The following NCKAP5 variants were observed in gnomAD, a reference collection of about 807,000 sequenced individuals.
NCKAP5 encodes NCK associated protein 5, also known as nck-associated protein 5.
In NCKAP5, 92 loss-of-function variants were observed where a neutral mutation model predicts 167.0. That is an observed-to-expected ratio of 0.55 (90% CI 0.47 to 0.66). The LOEUF is 0.66. NCKAP5 is among the 30% of genes least tolerant of loss of function. The probability of loss-of-function intolerance (pLI) is 0.00; values close to 1 mark genes in which losing one functional copy is unlikely to be tolerated. For missense variants in NCKAP5, 2,378 were observed against 2,315.0 expected (o/e 1.03, Z -0.56); for synonymous variants, 891 against 877.4 (o/e 1.02, Z -0.27).
intron 19 of NCKAP5, among the ~76,000 whole-genome samples, chr2:132,716,077 G>A (rs973853001): frequency 1.5e-4 from 23 of 152,126 alleles, no homozygotes; most frequent in African/African-American, 5.3e-4. Flanking sequence ...TTCCCTCTCT[G>A]AGCTGTGACA....
intron 3 of NCKAP5, among the ~76,000 whole-genome samples, chr2:133,514,560 A>T (rs887512537): frequency 6.6e-6 from 1 of 152,260 alleles, no homozygotes; most frequent in African/African-American, 2.4e-5. Context: ...TAAAAAGTGT[A>T]ATGAAGTTAA....
At chr2:133,559,514 G>A (rs1330631736) in intron 1 of NCKAP5, among the ~76,000 whole-genome samples, 1 of 151,980 alleles carries the variant, frequency 6.6e-6, no homozygotes, top group African/African-American at 2.4e-5. Context: ...TTAGAGATGG[G>A]GTCTTGTTAT....
the NCKAP5 span, among the ~76,000 whole-genome samples, chr2:133,628,011 T>G: frequency 1.3e-5 from 2 of 152,114 alleles, no homozygotes; most frequent in East Asian, 3.9e-4. Context: ...ATAGAGCCAT[T>G]TATGACAAAC....
At chr2:133,542,610 A>G (rs994521580) in intron 2 of NCKAP5, among the ~76,000 whole-genome samples, 9 of 152,204 alleles carry the variant, frequency 5.9e-5, no homozygotes, top group African/African-American at 2.2e-4. Flanking sequence ...CCCTGCTCAC[A>G]TAACCAGCAG....
At chr2:133,360,939 TA>T (rs1261568490) in intron 3 of NCKAP5, among the ~76,000 whole-genome samples, 2,046 of 136,850 alleles carry the variant, frequency 0.015, 17 homozygotes, top group Middle Eastern at 0.033. Context: ...GTCTTCCCAT[TA>T]AAAAAAAAAA....
At chr2:133,210,973 G>A (rs1024440558) in intron 5 of NCKAP5, among the ~76,000 whole-genome samples, 6 of 151,842 alleles carry the variant, frequency 4.0e-5, no homozygotes, top group African/African-American at 1.2e-4. Context: ...CCTTGAGGGT[G>A]CACCCATTCC....
intron 5 of NCKAP5, among the ~76,000 whole-genome samples, chr2:133,210,800 T>G (rs1460573154): frequency 6.6e-6 from 1 of 152,122 alleles, no homozygotes; most frequent in South Asian, 2.1e-4. Flanking sequence ...TCAGGGCTCA[T>G]GGTGTCTCCA....
chr2:132,920,119 G>T (rs1367781371), intron 8 of NCKAP5, among the ~76,000 whole-genome samples: 2 of 148,508 alleles, frequency 1.3e-5, no homozygotes, highest in Non-Finnish European at 2.9e-5. Flanking sequence ...TCTCCCCCTT[G>T]CCATCTGGCC....
chr2:133,187,040 T>C (rs1396149500), intron 5 of NCKAP5, among the ~76,000 whole-genome samples: 1 of 152,052 alleles, frequency 6.6e-6, no homozygotes, highest in Non-Finnish European at 1.5e-5. Context: ...CCTACTGCCA[T>C]GTCAGATTGT....
chr2:133,250,978 T>C (rs1372744491), intron 4 of NCKAP5, among the ~76,000 whole-genome samples: 1 of 152,060 alleles, frequency 6.6e-6, no homozygotes, highest in Non-Finnish European at 1.5e-5. Flanking sequence ...AAAATATGCT[T>C]TCTTCTTAAA....
Position 132,790,101 on chromosome 2 carries a change from C to T in NCKAP5, c.1014G>A (p.Leu338=). Residue 338 remains leucine (L), a synonymous_variant, in exon 13 of 20, where the codon CTG becomes CTA. Coordinates refer to ENST00000409261, the MANE Select transcript of NCKAP5 (RefSeq NM_207363.3). The part of the protein sequence containing the change: ...PRNSYSSSSE[L]SLSSTCSEYS... ...ACTCGCTGCAGGTGCTTGAAAGAGACAGTTCACTGCTGCTACTGTAGCTGT... is the reference window on the plus strand; with the variant it reads ...ACTCGCTGCAGGTGCTTGAAAGAGATAGTTCACTGCTGCTACTGTAGCTGT... 6.2e-7 allele frequency: 1 copy of T among 1,613,480 alleles called. No individual in the cohort carries two copies. The highest frequency in any genetic ancestry group is 8.5e-7 in the Non-Finnish European group (1 of 1,179,684).
intron 3 of NCKAP5, among the ~76,000 whole-genome samples, chr2:133,318,309 A>G (rs935151570): frequency 6.6e-6 from 1 of 152,160 alleles, no homozygotes; most frequent in East Asian, 1.9e-4. Context: ...TTTTTCCAAT[A>G]AAGAGACTGT....
chr2:133,481,173 A>G (rs764405739), intron 3 of NCKAP5, among the ~76,000 whole-genome samples: 2 of 152,156 alleles, frequency 1.3e-5, no homozygotes, highest in African/African-American at 2.4e-5. Context: ...GTATTATTAA[A>G]CGGCTCTTGA....
At chr2:133,012,047 T>G (rs143751012) in intron 6 of NCKAP5, among the ~76,000 whole-genome samples, 4 of 152,270 alleles carry the variant, frequency 2.6e-5, no homozygotes, top group Non-Finnish European at 5.9e-5. Context: ...CTTTATCAGA[T>G]GGCAAGCAAG....
intron 4 of NCKAP5, among the ~76,000 whole-genome samples, chr2:133,282,936 C>T (rs554568565): frequency 1.3e-5 from 2 of 152,150 alleles, no homozygotes; most frequent in Admixed American, 1.3e-4. Context: ...TTAAAACAAT[C>T]CTTGACTGTT....
chr2:133,251,405 C>T (rs927198292), intron 4 of NCKAP5, among the ~76,000 whole-genome samples: 1 of 152,106 alleles, frequency 6.6e-6, no homozygotes, highest in Admixed American at 6.6e-5. Flanking sequence ...CCTAAAACTG[C>T]CATTGAGCTC....
chr2:133,227,917 T>C (rs1435212474), intron 4 of NCKAP5, among the ~76,000 whole-genome samples: 3 of 152,214 alleles, frequency 2.0e-5, no homozygotes, highest in Non-Finnish European at 2.9e-5. Flanking sequence ...ACCACCAAAC[T>C]CTAGGAGAAG....
chr2:133,531,445 T>A (rs1421505617), intron 2 of NCKAP5, among the ~76,000 whole-genome samples: 1 of 152,134 alleles, frequency 6.6e-6, no homozygotes, highest in Non-Finnish European at 1.5e-5. Context: ...TATTGATTAA[T>A]AAACTTTAAA....
At position 132,673,163 on chromosome 2, in the gene NCKAP5, T is replaced by C. The variant is rs1573784766; in HGVS notation, c.*126A>G. On this transcript the variant is annotated 3_prime_UTR_variant, in exon 20 of 20. Transcript: ENST00000409261. ...TTCATTTTTTTCTTTTTCTTCCTTC[T>C]GTCCTTCAACCTTGTTCAGAGAGTT... is the stretch of plus-strand genomic sequence containing the variant. 1 of 1,377,274 alleles carries C rather than the reference T, an allele frequency of 7.3e-7. No homozygotes were observed. The highest frequency in any genetic ancestry group is 2.8e-5 in the East Asian group (1 of 35,554). The allele number at this position is 1,377,274 out of a possible 1,614,324, so 85.3% of individuals were successfully genotyped here.
Sources: allele counts gnomAD v4.1 joint callset (sites outside exome capture counted in the v4.1 genomes callset), GRCh38; gene constraint gnomAD v4.1.1; transcripts MANE v1.5; gene names NCBI Gene and HGNC (gene_info 2026-07-23, HGNC 2026-07-21).